Variants in MRC1 observed in about 807,000 individuals in gnomAD.
MRC1 encodes the protein macrophage mannose receptor 1.
Under a neutral mutation model 102.9 loss-of-function variants are expected in MRC1, and 62 were observed. The ratio of observed to expected loss-of-function variants is 0.60; its 90% CI spans 0.49 to 0.74. The LOEUF (loss-of-function observed/expected upper bound fraction) is 0.74, where lower values mean the gene tolerates loss of function less well. Among genes scored for constraint, MRC1 ranks in the 30% least tolerant of loss-of-function variants. The pLI, the probability that MRC1 is intolerant of heterozygous loss-of-function variation, is 0.00. For synonymous variants in MRC1, 457 were observed against 298.4 expected (o/e 1.53, Z -5.48); for missense variants, 1,237 against 862.8 (o/e 1.43, Z -5.43).
At chr10:17,850,900 A>G (rs1260059919) in intron 7 of MRC1, among the ~76,000 whole-genome samples, 5 of 152,142 alleles carry the variant, frequency 3.3e-5, no homozygotes, top group African/African-American at 1.2e-4. Context: ...TCCTGTGTTG[A>G]CCCCATTGAG....
chr10:17,842,761 C>T (rs1457391932), intron 5 of MRC1, among the ~76,000 whole-genome samples: 2 of 152,068 alleles, frequency 1.3e-5, no homozygotes, highest in African/African-American at 4.8e-5. Flanking sequence ...TATATTTAAC[C>T]GCTTGCATCC....
chr10:17,812,663 G>A (rs1024288953), intron 1 of MRC1, among the ~76,000 whole-genome samples: 15 of 148,082 alleles, frequency 1.0e-4, no homozygotes, highest in Admixed American at 9.0e-4. Context: ...CCTCTGCCTC[G>A]TGGGTTCAAG....
chr10:17,867,400 T>C (rs1181692604), intron 12 of MRC1, among the ~76,000 whole-genome samples: 3 of 148,152 alleles, frequency 2.0e-5, no homozygotes, highest in African/African-American at 7.6e-5. Context: ...TTCTTCTCCT[T>C]CTTCTTCTTC....
At chr10:17,836,488 A>C (rs1177806619) in intron 4 of MRC1, among the ~76,000 whole-genome samples, 2 of 152,220 alleles carry the variant, frequency 1.3e-5, no homozygotes, top group African/African-American at 4.8e-5. Flanking sequence ...AGAAAAGATG[A>C]TTCGAGGCAG....
chr10:17,820,016 C>T (rs1294587278), intron 1 of MRC1, among the ~76,000 whole-genome samples: 2 of 152,114 alleles, frequency 1.3e-5, no homozygotes, highest in African/African-American at 2.4e-5. Context: ...GGGAATTCCC[C>T]CTTTTTGTTC....
intron 26 of MRC1, among the ~76,000 whole-genome samples, chr10:17,904,650 T>G (rs1188325936): frequency 1.3e-5 from 2 of 152,204 alleles, no homozygotes; most frequent in Non-Finnish European, 2.9e-5. Context: ...GCAGAGGATC[T>G]GTCTGTGTGT....
chr10:17,910,474 T>A lies in MRC1; in HGVS notation c.*9T>A, dbSNP rs908326124. ...AACACTCGGTCATCTAGTACCTCAA[T>A]GCGATTCTGAGATATTTGAATTTCA... On this transcript the variant is annotated 3_prime_UTR_variant, in exon 30 of 30. Coordinates refer to ENST00000569591, the MANE Select transcript of MRC1 (RefSeq NM_002438.4). 15 of 780,700 alleles carry A rather than the reference T, an allele frequency of 1.9e-5. No homozygotes were observed. The African/African-American group carries it at 2.5e-4, about 13-fold the overall frequency. 48.4% of individuals were successfully genotyped at this position (780,700 alleles called of 1,614,324 possible).
At chr10:17,856,099 G>A in intron 8 of MRC1, 143 bp from the exon 9 acceptor site, 1 of 664,312 alleles carries the variant, frequency 1.5e-6, no homozygotes, top group East Asian at 2.8e-5. Flanking sequence ...GAACCTGGGA[G>A]GCAGAGGTTG....
At chr10:17,888,780 G>A (rs1251584802) in intron 22 of MRC1, among the ~76,000 whole-genome samples, 2 of 152,134 alleles carry the variant, frequency 1.3e-5, no homozygotes. Flanking sequence ...ATGAGATCTG[G>A]TTGATTGTTG....
intron 4 of MRC1, among the ~76,000 whole-genome samples, chr10:17,836,543 A>G (rs1838665312): frequency 6.6e-6 from 1 of 152,126 alleles, no homozygotes; most frequent in Admixed American, 6.5e-5. Context: ...GAGAAAATGT[A>G]TCAGAGGTGG....
At chr10:17,844,653 A>T (rs1249472499) in intron 5 of MRC1, among the ~76,000 whole-genome samples, 3 of 152,170 alleles carry the variant, frequency 2.0e-5, no homozygotes, top group African/African-American at 7.2e-5. Context: ...GAGGTTTGGG[A>T]TATAAATGAT....
chr10:17,827,262 G>T lies in MRC1; in HGVS notation c.464-280G>T, dbSNP rs897498744. 8.6e-5 allele frequency among the ~76,000 whole-genome samples: 13 copies of T among 151,146 alleles called. 1 individual carries two copies. Among genetic ancestry groups the T allele is most frequent in the African/African-American group, 2.7e-4 (11 of 41,182 alleles). On this transcript the variant is annotated intron_variant, in intron 2 of 29. Transcript: ENST00000569591. ...TAACAAATTAGTCTCGTTTGAAAATGTCCCAAAACGCAGTGGAAATGAAGT... is the reference window on the plus strand; with the variant it reads ...TAACAAATTAGTCTCGTTTGAAAATTTCCCAAAACGCAGTGGAAATGAAGT...
intron 7 of MRC1, among the ~76,000 whole-genome samples, chr10:17,850,894 G>A (rs1360093945): frequency 6.6e-6 from 1 of 152,204 alleles, no homozygotes; most frequent in Non-Finnish European, 1.5e-5. Context: ...CCATCTTCCT[G>A]TGTTGACCCC....
intron 22 of MRC1, 100 bp downstream of exon 22, chr10:17,885,535 C>G: frequency 1.4e-6 from 1 of 735,282 alleles, no homozygotes. Flanking sequence ...CCAGAATACT[C>G]CTTGATCTGT....
chr10:17,810,398 G>A (rs1240064470), intron 1 of MRC1, among the ~76,000 whole-genome samples: 4 of 152,188 alleles, frequency 2.6e-5, no homozygotes, highest in African/African-American at 9.6e-5. Flanking sequence ...TTGTGCCTAC[G>A]ATCTACTCTA....
chr10:17,829,959 T>C (rs1252129365), intron 3 of MRC1, among the ~76,000 whole-genome samples: 6 of 151,598 alleles, frequency 4.0e-5, no homozygotes, highest in African/African-American at 1.5e-4. Flanking sequence ...TGTCAAATTA[T>C]ATATTTTTTC....
chr10:17,903,623 T>C (rs1833859217), intron 26 of MRC1, among the ~76,000 whole-genome samples: 1 of 152,084 alleles, frequency 6.6e-6, no homozygotes, highest in African/African-American at 2.4e-5. Context: ...TTCGAACTCC[T>C]GACCTCAGGT....
intron 26 of MRC1, among the ~76,000 whole-genome samples, chr10:17,903,577 G>C (rs1589197013): frequency 1.3e-5 from 2 of 151,324 alleles, no homozygotes; most frequent in Non-Finnish European, 2.9e-5. Flanking sequence ...TGTATTTTTA[G>C]TAGAGACAGA....
chr10:17,835,599 C>G (rs1301700849), intron 4 of MRC1, among the ~76,000 whole-genome samples: 1 of 152,204 alleles, frequency 6.6e-6, no homozygotes, highest in African/African-American at 2.4e-5. Flanking sequence ...TATGACCCCT[C>G]TTCCCCCAAG....
Sources: allele counts gnomAD v4.1 joint callset (sites outside exome capture counted in the v4.1 genomes callset), GRCh38; gene constraint gnomAD v4.1.1; transcripts MANE v1.5; gene names NCBI Gene and HGNC (gene_info 2026-07-23, HGNC 2026-07-21).